The following SPAG16 variants were observed in gnomAD, a reference collection of about 807,000 sequenced individuals.
SPAG16 encodes the protein sperm associated antigen 16, also known as sperm-associated antigen 16 protein.
A neutral mutation model predicts 80.4 loss-of-function variants in SPAG16; 86 were observed. The ratio of observed to expected loss-of-function variants is 1.07; its 90% CI spans 0.90 to 1.28. The LOEUF is 1.28. Ranked by LOEUF, SPAG16 falls within the 50% of genes most tolerant of loss-of-function variation. The pLI, the probability that SPAG16 is intolerant of heterozygous loss-of-function variation, is 0.00. For missense variants in SPAG16, 870 were observed against 765.3 expected (o/e 1.14, Z -1.61); for synonymous variants, 294 against 265.9 (o/e 1.11, Z -1.03).
At chr2:213,579,180 T>C (rs1006581532) in intron 10 of SPAG16, among the ~76,000 whole-genome samples, 2 of 152,156 alleles carry the variant, frequency 1.3e-5, no homozygotes, top group Non-Finnish European at 2.9e-5. Context: ...TTGTTTATTG[T>C]ATAAATTCAT....
chr2:214,124,865 C>T (rs2125470033), intron 14 of SPAG16, among the ~76,000 whole-genome samples: 1 of 151,906 alleles, frequency 6.6e-6, no homozygotes, highest in East Asian at 1.9e-4. Context: ...GAGCACCTTT[C>T]ACCTTGCCCT....
At chr2:213,633,254 A>G (rs12620874) in intron 10 of SPAG16, among the ~76,000 whole-genome samples, 2 of 152,022 alleles carry the variant, frequency 1.3e-5, no homozygotes, top group Non-Finnish European at 2.9e-5. Context: ...ATATGTTGGC[A>G]TATAGTTGCT....
At chr2:213,911,209 G>C (rs1461050306) in intron 11 of SPAG16, among the ~76,000 whole-genome samples, 1 of 152,156 alleles carries the variant, frequency 6.6e-6, no homozygotes, top group African/African-American at 2.4e-5. Flanking sequence ...GCAGTGGCAC[G>C]ATCACAGCTC....
chr2:214,288,191 T>C (rs932742091), intron 15 of SPAG16, among the ~76,000 whole-genome samples: 10 of 152,172 alleles, frequency 6.6e-5, no homozygotes, highest in African/African-American at 2.4e-4. Flanking sequence ...GTGCTGTGTC[T>C]GGCTTATCTC....
intron 15 of SPAG16, among the ~76,000 whole-genome samples, chr2:214,161,634 A>G (rs1247847499): frequency 1.3e-5 from 2 of 151,916 alleles, no homozygotes; most frequent in East Asian, 1.9e-4. Context: ...GTGAGAGCAC[A>G]TGGACACAGG....
chr2:213,573,101 C>G (rs1419317015), intron 10 of SPAG16, among the ~76,000 whole-genome samples: 4 of 152,188 alleles, frequency 2.6e-5, no homozygotes, highest in African/African-American at 9.7e-5. Flanking sequence ...TTGGCTCACG[C>G]ACGGTGCGCG....
chr2:214,227,702 ATG>A (rs3044944), intron 15 of SPAG16, among the ~76,000 whole-genome samples: 16,023 of 145,640 alleles, frequency 0.11, 900 homozygotes, highest in Middle Eastern at 0.17. Flanking sequence ...TGGAAGGTGT[ATG>A]TGTGTGTGTG....
At chr2:213,284,764 C>A in intron 1 of SPAG16, 145 bp downstream of exon 1, 1 of 1,171,050 alleles carries the variant, frequency 8.5e-7, no homozygotes. Flanking sequence ...GCTGTTTTTG[C>A]CACCACAGTC....
chr2:214,347,934 C>A lies in SPAG16; in HGVS notation c.1721-62206C>A, dbSNP rs79357572. On this transcript the variant is annotated intron_variant, in intron 15 of 15. Transcript: ENST00000331683. ...AGCATCAAGACCTCAGAGGACAGAG[C>A]CAAGATTCATGGAGAATCATTCTTA... Among the ~76,000 whole-genome samples, 2,259 of 152,202 alleles carry A rather than the reference C, an allele frequency of 0.015. 164 individuals are homozygous for A. The East Asian group carries it at 0.22, about 15-fold the overall frequency.
chr2:213,726,820 A>T (rs945932485), intron 10 of SPAG16, among the ~76,000 whole-genome samples: 3 of 152,254 alleles, frequency 2.0e-5, no homozygotes, highest in African/African-American at 7.2e-5. Flanking sequence ...GGAAATTAGC[A>T]GCCTTAATGT....
At chr2:213,711,779 C>T (rs2066000312) in intron 10 of SPAG16, among the ~76,000 whole-genome samples, 1 of 152,012 alleles carries the variant, frequency 6.6e-6, no homozygotes, top group African/African-American at 2.4e-5. Context: ...CTTGGCCTCC[C>T]AAAGTGCTGG....
At chr2:214,145,198 T>C (rs561159980) in intron 14 of SPAG16, among the ~76,000 whole-genome samples, 13 of 152,074 alleles carry the variant, frequency 8.5e-5, no homozygotes, top group East Asian at 1.9e-4. Flanking sequence ...ATAAATACAT[T>C]TGGAACCTCT....
At chr2:214,024,408 A>G (rs1363259888) in intron 13 of SPAG16, among the ~76,000 whole-genome samples, 3 of 151,722 alleles carry the variant, frequency 2.0e-5, no homozygotes, top group African/African-American at 7.2e-5. Context: ...TATAGTAAAT[A>G]TAGATGATTT....
chr2:213,917,893 T>C (rs1003209984), intron 11 of SPAG16, among the ~76,000 whole-genome samples: 3 of 152,208 alleles, frequency 2.0e-5, no homozygotes, highest in Non-Finnish European at 4.4e-5. Context: ...CCATTCAGTA[T>C]GATGTTGGTT....
chr2:214,035,802 A>G (rs935906231), intron 13 of SPAG16, among the ~76,000 whole-genome samples: 5 of 152,112 alleles, frequency 3.3e-5, no homozygotes, highest in Non-Finnish European at 5.9e-5. Context: ...CCATGGCTGG[A>G]TGGTCAGAGC....
At chr2:213,310,287 G>T in intron 4 of SPAG16, 110 bp downstream of exon 4, 3 of 577,738 alleles carry the variant, frequency 5.2e-6, no homozygotes, top group Non-Finnish European at 5.7e-6. Context: ...AAAATGACTA[G>T]AAACTTTTCC....
chr2:213,659,478 T>C (rs1348435523), intron 10 of SPAG16, among the ~76,000 whole-genome samples: 2 of 152,162 alleles, frequency 1.3e-5, no homozygotes, highest in African/African-American at 4.8e-5. Flanking sequence ...GATAGTTACA[T>C]CATTTTTTAA....
intron 10 of SPAG16, among the ~76,000 whole-genome samples, chr2:213,589,432 T>C (rs1207610950): frequency 4.6e-5 from 7 of 152,318 alleles, no homozygotes; most frequent in Non-Finnish European, 2.9e-5. Flanking sequence ...ACAATAAAAG[T>C]TGATTTCTAA....
intron 15 of SPAG16, among the ~76,000 whole-genome samples, chr2:214,173,999 G>A (rs2056979322): frequency 6.6e-6 from 1 of 151,980 alleles, no homozygotes; most frequent in African/African-American, 2.4e-5. Context: ...AATAGATGCA[G>A]AAAAGGCCTT....
Sources: allele counts gnomAD v4.1 joint callset (sites outside exome capture counted in the v4.1 genomes callset), GRCh38; gene constraint gnomAD v4.1.1; transcripts MANE v1.5; gene names NCBI Gene and HGNC (gene_info 2026-07-23, HGNC 2026-07-21).